Variants in MTHFD1L observed in about 807,000 individuals in gnomAD.
MTHFD1L encodes methylenetetrahydrofolate dehydrogenase (NADP+ dependent) 1 like.
MTHFD1L carries 81 observed loss-of-function variants against 119.5 expected under a neutral mutation model. The ratio of observed to expected loss-of-function variants is 0.68; its 90% CI spans 0.57 to 0.82. The LOEUF is 0.82. MTHFD1L is among the 40% of genes least tolerant of loss of function. MTHFD1L has a pLI of 0.00. For missense variants in MTHFD1L, 1,125 were observed against 1,253.4 expected, an observed-to-expected ratio of 0.90 and a Z score of 1.55; for synonymous variants, 430 against 475.2, an observed-to-expected ratio of 0.90 and a Z score of 1.24.
chr6:150,997,964 C>T (rs1340249620), intron 20 of MTHFD1L, among the ~76,000 whole-genome samples: 1 of 152,124 alleles, frequency 6.6e-6, no homozygotes, highest in Non-Finnish European at 1.5e-5. Context: ...CGTCTCTTCC[C>T]TTCTTAAATA....
At position 150,926,364 on chromosome 6, in the gene MTHFD1L, C is replaced by T; in HGVS notation, c.1256+69C>T. 7.5e-7 allele frequency: 1 copy of T among 1,333,846 alleles called. No individual in the cohort carries two copies. The highest frequency in any genetic ancestry group is 1.3e-5 in the South Asian group (1 of 75,146). The allele number at this position is 1,333,846 out of a possible 1,614,324, so 82.6% of individuals were successfully genotyped here. A position where few individuals can be genotyped will look rare whatever the true frequency, so the allele number is the denominator to read the frequency against. ...ACAAAACTCTTCCCTATTTATCTCT[C>T]TCCTCGTACCCCTCAATCCATCCTA... On this transcript the variant is annotated intron_variant, in intron 11 of 27. Coordinates refer to ENST00000367321, the MANE Select transcript of MTHFD1L (RefSeq NM_015440.5). This position sits in a 1 kb window ranked among gnomAD's most constrained non-coding sequence, Gnocchi z 4.3.
At chr6:151,035,984 T>C (rs746074364) in intron 25 of MTHFD1L, among the ~76,000 whole-genome samples, 4 of 152,202 alleles carry the variant, frequency 2.6e-5, no homozygotes, top group Non-Finnish European at 4.4e-5. Context: ...AGTGGAGATT[T>C]CAAAAAGAAA....
chr6:150,918,545 A>G (rs751719691), intron 8 of MTHFD1L, 32 bp from the exon 9 acceptor site: 20 of 1,458,048 alleles, frequency 1.4e-5, no homozygotes, highest in Non-Finnish European at 1.9e-5. Context: ...CAGTGTACTG[A>G]AAGTCTTTTT....
Position 150,945,589 on chromosome 6 carries a change from G to A in MTHFD1L, c.1623+48G>A, listed in dbSNP as rs146446085. The A allele has an allele frequency of 1.6e-3, 2,486 of 1,537,876 alleles. 24 individuals are homozygous for A. The African/African-American group carries it at 0.03, about 19-fold the overall frequency. ...TTTAAAAAGAAAATATCGTAGAAAC[G>A]CATCAGAAAGATTGTCAAAGCCTGA... On this transcript the variant is annotated intron_variant, in intron 15 of 27. Transcript: ENST00000367321.
At chr6:150,967,205 T>G (rs1797339629) in intron 19 of MTHFD1L, among the ~76,000 whole-genome samples, 3 of 152,252 alleles carry the variant, frequency 2.0e-5, no homozygotes. Flanking sequence ...CTCTCCTGAC[T>G]GCCCTTGTCC....
intron 7 of MTHFD1L, among the ~76,000 whole-genome samples, chr6:150,889,915 G>C (rs1426432043): frequency 6.6e-6 from 1 of 152,142 alleles, no homozygotes; most frequent in Non-Finnish European, 1.5e-5. Flanking sequence ...CCAGCACTTT[G>C]GGAGGCTGAG....
chr6:151,009,894 T>C lies in MTHFD1L; in HGVS notation c.2201T>C (p.Val734Ala), dbSNP rs770250806. The change falls in exon 21 of 28, where the codon GTG (valine) becomes GCG (alanine). Residue 734 changes from valine (V) to alanine (A), a missense_variant. Val to Ala is a moderately conservative substitution (Grantham distance 64, BLOSUM62 0). This residue lies in a region of MTHFD1L where 1,058 missense variants were observed against 1,151.2 expected (regional missense o/e 0.92). Transcript: ENST00000367321. Reference sequence around the variant, plus strand: ...ATCAAGTGCCGAGCTTCCGGCTTGGTGCCCAACGTGGTTGTGTTAGTGGCA... The same window carrying C: ...ATCAAGTGCCGAGCTTCCGGCTTGGCGCCCAACGTGGTTGTGTTAGTGGCA... ...FNIKCRASGLVPNVVVLVATV... is the reference protein window; with the variant it reads ...FNIKCRASGLAPNVVVLVATV... 3.2e-5 allele frequency: 51 copies of C among 1,613,752 alleles called. No individual in the cohort carries two copies. The highest frequency in any genetic ancestry group is 1.3e-4 in the Admixed American group (8 of 59,954).
chr6:151,011,451 A>G (rs977762362), intron 21 of MTHFD1L, among the ~76,000 whole-genome samples: 2 of 150,852 alleles, frequency 1.3e-5, no homozygotes, highest in Non-Finnish European at 2.9e-5. Flanking sequence ...AAAATCTCTG[A>G]GGCACAGGGA....
chr6:151,020,384 G>A (rs140593517), intron 24 of MTHFD1L, among the ~76,000 whole-genome samples: 13 of 152,310 alleles, frequency 8.5e-5, no homozygotes, highest in East Asian at 5.8e-4. Flanking sequence ...TCCTAATGGC[G>A]AGCTCACAGG....
chr6:150,878,951 C>G (rs1455550022), intron 4 of MTHFD1L, among the ~76,000 whole-genome samples: 1 of 152,174 alleles, frequency 6.6e-6, no homozygotes, highest in African/African-American at 2.4e-5. Context: ...AGACAGGCCC[C>G]TGCTGTCTTT....
chr6:150,980,039 C>G (rs1268348480), intron 20 of MTHFD1L, among the ~76,000 whole-genome samples: 1 of 152,022 alleles, frequency 6.6e-6, no homozygotes, highest in Non-Finnish European at 1.5e-5. Context: ...TTCTCCCAGA[C>G]CTTGCCCTGT....
At chr6:150,866,145 G>A in intron 1 of MTHFD1L, 96 bp downstream of exon 1, 1 of 1,415,054 alleles carries the variant, frequency 7.1e-7, no homozygotes, top group Non-Finnish European at 9.2e-7. Context: ...GCGGGGCGCG[G>A]GGCTGCGAGT....
intron 8 of MTHFD1L, among the ~76,000 whole-genome samples, chr6:150,918,079 T>A (rs1479973546): frequency 3.3e-5 from 5 of 150,858 alleles, no homozygotes; most frequent in Non-Finnish European, 7.4e-5. Flanking sequence ...TTTTTTTTTT[T>A]TTTTGAGATG....
chr6:151,079,990 C>T (rs547721743), intron 26 of MTHFD1L, among the ~76,000 whole-genome samples: 13 of 151,368 alleles, frequency 8.6e-5, no homozygotes, highest in Admixed American at 1.3e-4. Context: ...GCCTGGCCAA[C>T]GTGGTGAAAC....
chr6:150,866,690 T>G, intron 1 of MTHFD1L: 1 of 1,155,124 alleles, frequency 8.7e-7, no homozygotes, highest in African/African-American at 1.6e-5. Flanking sequence ...GTCTCAGCGC[T>G]GGTTTCCAGC....
chr6:150,979,262 T>C (rs1777085488), intron 20 of MTHFD1L, among the ~76,000 whole-genome samples: 1 of 152,158 alleles, frequency 6.6e-6, no homozygotes, highest in Non-Finnish European at 1.5e-5. Context: ...GAATTTTGGG[T>C]GAGCTGTCTA....
In MTHFD1L at chr6:150,949,099, C is replaced by G. The variant is rs777765319; in HGVS notation, c.1692C>G (p.Leu564=). 6.2e-7 allele frequency: 1 copy of G among 1,613,892 alleles called. No individual in the cohort carries two copies. Among genetic ancestry groups the G allele is most frequent in the Non-Finnish European group, 8.5e-7 (1 of 1,179,992 alleles). ...TEEEVSKFAR[L]DIDPSTITWQ... ...AGGAAGTGAGTAAATTTGCCCGTCT[C>G]GACATCGACCCATCTACCATCACGT... Residue 564 remains leucine (L), a synonymous_variant, in exon 16 of 28, where the codon CTC becomes CTG. Coordinates refer to ENST00000367321, the MANE Select transcript of MTHFD1L (RefSeq NM_015440.5).
intron 9 of MTHFD1L, among the ~76,000 whole-genome samples, chr6:150,918,940 C>A (rs1403521491): frequency 6.6e-6 from 1 of 152,058 alleles, no homozygotes; most frequent in Non-Finnish European, 1.5e-5. Flanking sequence ...GCAACTGAAG[C>A]AACAAGGCAT....
chr6:150,973,059 T>C (rs1776005867), intron 20 of MTHFD1L, among the ~76,000 whole-genome samples: 1 of 152,330 alleles, frequency 6.6e-6, no homozygotes, highest in East Asian at 1.9e-4. Flanking sequence ...ATCTGACATA[T>C]GAGGGACTGC....
Sources: gnomAD v4.1 joint callset for allele counts (sites outside exome capture counted in the v4.1 genomes callset) on GRCh38, gnomAD v4.1.1 for gene constraint, gnomAD v4.1.1 regional missense constraint, Gnocchi (gnomAD v3.1) non-coding constraint, MANE v1.5 for transcripts, NCBI Gene and HGNC (gene_info 2026-07-23, HGNC 2026-07-21) for gene names.